Variants in REXO5 observed in about 807,000 individuals in gnomAD.
The protein encoded by REXO5 is exonuclease NEF-sp.
A neutral mutation model predicts 88.5 loss-of-function variants in REXO5; 48 were observed. The ratio of observed to expected loss-of-function variants is 0.54; its 90% CI spans 0.43 to 0.69. The LOEUF (loss-of-function observed/expected upper bound fraction) is 0.69. REXO5 is among the 30% of genes least tolerant of loss of function. The pLI is 0.00. For synonymous variants in REXO5, 311 were observed against 336.5 expected (o/e 0.92, Z 0.83); for missense variants, 749 against 912.2 (o/e 0.82, Z 2.30).
Position 20,807,055 on chromosome 16 carries a change from C to T in REXO5, c.102C>T (p.Ala34=). 4 of 1,604,926 alleles carry T rather than the reference C, an allele frequency of 2.5e-6. No homozygotes were observed. The highest frequency in any genetic ancestry group is 1.7e-6 in the Non-Finnish European group (2 of 1,176,594). The stretch of plus-strand genomic sequence containing the variant: ...TCGGGGCAGCTGAGGCGATGAAAGC[C>T]GGTTGGGATCTCGAGGAGAGTCAGC... The part of the protein sequence containing the change: ...KLVGAAEAMK[A]GWDLEESQPE... The change falls in exon 2 of 20, where the codon GCC becomes GCT. Residue 34 remains alanine (A), a synonymous_variant. Transcript: ENST00000261377.
chr16:20,814,811 T>A, intron 3 of REXO5, 116 bp from the exon 4 acceptor site: 1 of 1,018,682 alleles, frequency 9.8e-7, no homozygotes, highest in Non-Finnish European at 1.4e-6. Flanking sequence ...TGGTGATAAA[T>A]TCTATTAACT....
chr16:20,845,214 T>C lies in REXO5; in HGVS notation c.2097T>C (p.Pro699=). Residue 699 remains proline, a synonymous_variant, in exon 18 of 20, where the codon CCT becomes CCC. Transcript: ENST00000261377. ...GGCTCCCAGGGCTTCGTGTTGTACC[T>C]CCCCCCTTTGAACAGGAGGCCTTGC... ...STRLPGLRVV[P]PPFEQEALQT... 6.2e-7 allele frequency: 1 copy of C among 1,612,600 alleles called. No individual in the cohort carries two copies. Among genetic ancestry groups the C allele is most frequent in the Non-Finnish European group, 8.5e-7 (1 of 1,179,542 alleles).
chr16:20,840,233 CA>C, intron 14 of REXO5, 97 bp from the exon 15 acceptor site: 2 of 1,088,392 alleles, frequency 1.8e-6, no homozygotes, highest in Non-Finnish European at 2.5e-6. Flanking sequence ...GTATTTATAT[CA>C]AAAAAATCTT....
At chr16:20,843,071 T>G (rs191635758) in intron 15 of REXO5, among the ~76,000 whole-genome samples, 1 of 152,346 alleles carries the variant, frequency 6.6e-6, no homozygotes, top group African/African-American at 2.4e-5. Context: ...TGGGTTTGAT[T>G]TGCGTTTCCC....
intron 19 of REXO5, among the ~76,000 whole-genome samples, chr16:20,847,436 CAAAA>C (rs550642998): frequency 3.7e-5 from 3 of 80,564 alleles, no homozygotes; most frequent in African/African-American, 5.2e-5. Context: ...ACTCTTATCT[CAAAA>C]AAAAAAAAAA....
At position 20,806,680 on chromosome 16, in the gene REXO5, GCCGTTGGGGAA is replaced by G; in HGVS notation, c.-21_-11del. 9.3e-7 allele frequency: 1 copy of G among 1,074,586 alleles called. No homozygotes were observed. Among genetic ancestry groups the G allele is most frequent in the Non-Finnish European group, 1.3e-6 (1 of 772,750 alleles). The allele number at this position is 1,074,586 out of a possible 1,614,324, so 66.6% of individuals were successfully genotyped here. On this transcript the variant is annotated 5_prime_UTR_variant, in exon 1 of 20. Coordinates refer to ENST00000261377, the MANE Select transcript of REXO5 (RefSeq NM_030941.3). ...CTTTGCCAGGCAGACGCCCGTTGTA[GCCGTTGGGGAA>G]CCGTTGAGAATCCGGTAACCGATGC...
chr16:20,835,802 C>A (rs2081419491), intron 13 of REXO5, among the ~76,000 whole-genome samples: 1 of 152,078 alleles, frequency 6.6e-6, no homozygotes, highest in Admixed American at 6.6e-5. Flanking sequence ...AATCTCAGGA[C>A]TTTGGGAGGC....
intron 15 of REXO5, among the ~76,000 whole-genome samples, chr16:20,842,482 G>T (rs112336759): frequency 0.059 from 8,229 of 140,188 alleles, 245 homozygotes; most frequent in Middle Eastern, 0.13. Flanking sequence ...TGTTTTGTTT[G>T]TTTTTTTTTT....
chr16:20,827,329 C>T, intron 9 of REXO5, 24 bp from the exon 10 acceptor site: 1 of 1,603,878 alleles, frequency 6.2e-7, no homozygotes, highest in Non-Finnish European at 8.5e-7. Context: ...AGACACTACT[C>T]ATTTTATTCT....
intron 8 of REXO5, 134 bp downstream of exon 8, chr16:20,826,082 AG>A: frequency 1.6e-6 from 1 of 613,774 alleles, no homozygotes; most frequent in Non-Finnish European, 2.9e-6. Flanking sequence ...GGCATCACAT[AG>A]GTATATTTTA....
intron 2 of REXO5, among the ~76,000 whole-genome samples, chr16:20,811,322 C>T (rs80284250): frequency 0.05 from 7,558 of 152,122 alleles, 413 homozygotes; most frequent in African/African-American, 0.13. Flanking sequence ...TCATTTGAAC[C>T]AGGAATTGAT....
intron 5 of REXO5, among the ~76,000 whole-genome samples, chr16:20,820,536 ATATATATATTTTTTTTTTTTTTTTT>A (rs2081163144): frequency 3.2e-4 from 4 of 12,654 alleles, no homozygotes; most frequent in Admixed American, 1.9e-3. Flanking sequence ...ATATATATAT[ATATATATATTTTTTTTTTTTTTTTT>A]TTTTTTTTTT....
chr16:20,813,738 A>G (rs2081038559), intron 3 of REXO5, among the ~76,000 whole-genome samples: 1 of 152,168 alleles, frequency 6.6e-6, no homozygotes. Flanking sequence ...AATTCCAGTT[A>G]ATCTTTTTTC....
chr16:20,840,306 C>T, intron 14 of REXO5, 25 bp from the exon 15 acceptor site: 1 of 1,504,796 alleles, frequency 6.6e-7, no homozygotes, highest in Middle Eastern at 2.0e-4. Context: ...CATTCCCATA[C>T]TATATTCTGT....
At chr16:20,807,182 C>T (rs1177559158) in intron 2 of REXO5, 91 bp downstream of exon 2, 9 of 1,460,184 alleles carry the variant, frequency 6.2e-6, no homozygotes, top group Non-Finnish European at 7.4e-6. Flanking sequence ...TGGATTCGGG[C>T]GGGCTCTCCG....
intron 6 of REXO5, among the ~76,000 whole-genome samples, 172 bp downstream of exon 6, chr16:20,822,074 A>T (rs762634597): frequency 3.3e-5 from 5 of 152,226 alleles, no homozygotes; most frequent in Non-Finnish European, 7.4e-5. Context: ...AAAGTGTGTG[A>T]TGTCTACCGT....
At position 20,844,645 on chromosome 16, in the gene REXO5, CAG is replaced by C; in HGVS notation, c.1739_1740del (p.Glu580AlafsTer4). The C allele has an allele frequency of 3.7e-6, 6 of 1,614,142 alleles. No individual in the cohort carries two copies. The highest frequency in any genetic ancestry group is 1.3e-5 in the African/African-American group (1 of 75,036). On this transcript the variant is annotated frameshift_variant, in exon 17 of 20. Coordinates refer to ENST00000261377, the MANE Select transcript of REXO5 (RefSeq NM_030941.3). LOFTEE classifies it high-confidence loss of function. Reference sequence around the variant, plus strand: ...CTTGGTTAGGTGCAGAGGCCTGTGACAGAGCTCACGCTTGATTGTGACACCCT... The same window carrying C: ...CTTGGTTAGGTGCAGAGGCCTGTGACAGCTCACGCTTGATTGTGACACCCT...
intron 8 of REXO5, among the ~76,000 whole-genome samples, chr16:20,826,691 G>A (rs2081264671): frequency 6.6e-6 from 1 of 152,162 alleles, no homozygotes; most frequent in Non-Finnish European, 1.5e-5. Flanking sequence ...CTGTATAATG[G>A]AATACTCTGT....
At chr16:20,838,302 TG>T (rs989522014) in intron 13 of REXO5, among the ~76,000 whole-genome samples, 14 of 152,232 alleles carry the variant, frequency 9.2e-5, no homozygotes, top group African/African-American at 3.4e-4. Flanking sequence ...CCATCTTAAC[TG>T]TTTTTATGTA....
Sources: gnomAD v4.1 joint callset for allele counts (sites outside exome capture counted in the v4.1 genomes callset) on GRCh38, gnomAD v4.1.1 for gene constraint, MANE v1.5 for transcripts, NCBI Gene and HGNC (gene_info 2026-07-23, HGNC 2026-07-21) for gene names.